Variants in GATAD2B observed in about 807,000 individuals in gnomAD.
GATAD2B encodes transcriptional repressor p66-beta.
In GATAD2B, 8 loss-of-function variants were observed where a neutral mutation model predicts 64.3. The ratio of observed to expected loss-of-function variants is 0.12; its 90% CI spans 0.07 to 0.22. The LOEUF (loss-of-function observed/expected upper bound fraction) is 0.22, where lower values mean the gene tolerates loss of function less well. Among genes scored for constraint, GATAD2B ranks in the 10% least tolerant of loss-of-function variants. The probability of loss-of-function intolerance (pLI) is 1.00; values close to 1 mark genes in which losing one functional copy is unlikely to be tolerated. For synonymous variants in GATAD2B, 281 were observed against 271.3 expected, an observed-to-expected ratio of 1.04 and a Z score of -0.35; for missense variants, 453 against 752.0, an observed-to-expected ratio of 0.60 and a Z score of 4.65.
chr1:153,882,639 G>A (rs1211837308), intron 1 of GATAD2B, among the ~76,000 whole-genome samples: 1 of 152,178 alleles, frequency 6.6e-6, no homozygotes, highest in African/African-American at 2.4e-5. Context: ...CCCAGCCATA[G>A]TATGATTGCA....
intron 1 of GATAD2B, among the ~76,000 whole-genome samples, chr1:153,854,230 GTC>G (rs1339552380): frequency 1.3e-5 from 2 of 151,964 alleles, no homozygotes; most frequent in Non-Finnish European, 2.9e-5. Context: ...GTAAAACCCC[GTC>G]TCTACTAAAA....
intron 1 of GATAD2B, among the ~76,000 whole-genome samples, chr1:153,891,210 GAAAGGAAAGGAA>G: frequency 7.1e-6 from 1 of 141,768 alleles, no homozygotes; most frequent in Middle Eastern, 3.7e-3. Flanking sequence ...AAAAGGAAAA[GAAAGGAAAGGAA>G]AAAGGGAAGG....
intron 1 of GATAD2B, among the ~76,000 whole-genome samples, chr1:153,892,813 G>A (rs530834071): frequency 6.9e-5 from 10 of 145,566 alleles, no homozygotes; most frequent in Admixed American, 5.0e-4. Flanking sequence ...TCCTACCTCC[G>A]CCTCCCAAGT....
intron 8 of GATAD2B, among the ~76,000 whole-genome samples, chr1:153,812,516 A>C (rs1323261963): frequency 6.6e-6 from 1 of 152,190 alleles, no homozygotes; most frequent in Non-Finnish European, 1.5e-5. Flanking sequence ...AGCTGGCTCT[A>C]AGAAGTTGGC....
At chr1:153,905,053 C>A (rs1324606480) in intron 1 of GATAD2B, among the ~76,000 whole-genome samples, 1 of 150,930 alleles carries the variant, frequency 6.6e-6, no homozygotes, top group Admixed American at 6.6e-5. Context: ...TATATGTTGG[C>A]CAGGCTGGTC....
At chr1:153,905,553 GAAAAAAAA>G (rs769120730) in intron 1 of GATAD2B, among the ~76,000 whole-genome samples, 1 of 64,660 alleles carries the variant, frequency 1.5e-5, no homozygotes, top group South Asian at 5.3e-4. Context: ...AACAATTTTG[GAAAAAAAA>G]AAAAAAAAAA....
chr1:153,814,335 A>G (rs1674384129), intron 7 of GATAD2B, among the ~76,000 whole-genome samples: 1 of 152,224 alleles, frequency 6.6e-6, no homozygotes, highest in Non-Finnish European at 1.5e-5. Context: ...TTAATACTCT[A>G]TAGTATGGTT....
chr1:153,862,141 T>TA (rs1335322060), intron 1 of GATAD2B, among the ~76,000 whole-genome samples: 1 of 146,634 alleles, frequency 6.8e-6, no homozygotes, highest in Non-Finnish European at 1.5e-5. Flanking sequence ...TTTTTTTTTT[T>TA]AGACTGAGTC....
chr1:153,891,574 T>A (rs1216540716), intron 1 of GATAD2B, among the ~76,000 whole-genome samples: 2 of 19,944 alleles, frequency 1.0e-4, no homozygotes, highest in Admixed American at 1.2e-3. Flanking sequence ...CTGTCTCGTT[T>A]AAAAAAAAAA....
chr1:153,833,475 T>C (rs1021356166), intron 1 of GATAD2B, among the ~76,000 whole-genome samples: 1 of 152,178 alleles, frequency 6.6e-6, no homozygotes, highest in Non-Finnish European at 1.5e-5. Context: ...ACATCCACTC[T>C]ACAGACCATG....
At chr1:153,843,191 G>A (rs1675559206) in intron 1 of GATAD2B, among the ~76,000 whole-genome samples, 1 of 151,408 alleles carries the variant, frequency 6.6e-6, no homozygotes, top group Non-Finnish European at 1.5e-5. Flanking sequence ...CTGGAATGCA[G>A]TGGTGTGATC....
intron 1 of GATAD2B, among the ~76,000 whole-genome samples, chr1:153,881,287 G>A (rs1677003121): frequency 6.6e-6 from 1 of 152,160 alleles, no homozygotes; most frequent in African/African-American, 2.4e-5. Flanking sequence ...GTAAGGGGGA[G>A]GCTAGAACCA....
intron 1 of GATAD2B, chr1:153,852,178 G>T: frequency 1.2e-6 from 1 of 860,658 alleles, no homozygotes; most frequent in South Asian, 1.4e-5. Flanking sequence ...AGCATTCTGA[G>T]ACTCAGTCAG....
At chr1:153,861,827 TGTATATGTATATATGTATGTAC>T (rs1676302705) in intron 1 of GATAD2B, among the ~76,000 whole-genome samples, 1 of 139,592 alleles carries the variant, frequency 7.2e-6, no homozygotes, top group Non-Finnish European at 1.5e-5. Context: ...TGTATATATA[TGTATATGTATATATGTATGTAC>T]GTATATGTAT....
chr1:153,906,621 G>A (rs1324285862), intron 1 of GATAD2B, among the ~76,000 whole-genome samples: 1 of 151,570 alleles, frequency 6.6e-6, no homozygotes. Context: ...GACACCAAAA[G>A]CACAGGCAAA....
At chr1:153,913,416 G>GA (rs965496118) in intron 1 of GATAD2B, among the ~76,000 whole-genome samples, 19 of 152,126 alleles carry the variant, frequency 1.2e-4, no homozygotes, top group African/African-American at 4.3e-4. Context: ...CATCTTTACA[G>GA]AAAGCAAGGG....
intron 1 of GATAD2B, among the ~76,000 whole-genome samples, chr1:153,846,014 G>A (rs1034355424): frequency 1.1e-4 from 15 of 140,856 alleles, no homozygotes; most frequent in African/African-American, 3.9e-4. Flanking sequence ...ATATTAGTAT[G>A]GTGACATTAA....
intron 1 of GATAD2B, among the ~76,000 whole-genome samples, chr1:153,898,111 C>T (rs1307487061): frequency 6.6e-6 from 1 of 151,114 alleles, no homozygotes; most frequent in African/African-American, 2.4e-5. Context: ...TGAGATCAGC[C>T]TATGCAACAC....
intron 1 of GATAD2B, among the ~76,000 whole-genome samples, chr1:153,897,120 C>T (rs1677622242): frequency 6.6e-6 from 1 of 151,868 alleles, no homozygotes; most frequent in Non-Finnish European, 1.5e-5. Flanking sequence ...GCTCCACCCC[C>T]TGGGGTTCAC....
Sources: gnomAD v4.1 joint callset for allele counts (sites outside exome capture counted in the v4.1 genomes callset) on GRCh38, gnomAD v4.1.1 for gene constraint, MANE v1.5 for transcripts, NCBI Gene and HGNC (gene_info 2026-07-23, HGNC 2026-07-21) for gene names.